The following CDH4 variants were observed in gnomAD, a reference collection of about 807,000 sequenced individuals.
The protein encoded by CDH4 is cadherin-4.
A neutral mutation model predicts 86.0 loss-of-function variants in CDH4; 33 were observed. That is an observed-to-expected ratio of 0.38 (90% confidence interval 0.29 to 0.51). The LOEUF (loss-of-function observed/expected upper bound fraction) is 0.51. Ranked by LOEUF, CDH4 falls within the 20% of genes least tolerant of loss-of-function variation. The probability of loss-of-function intolerance (pLI) is 0.86; values close to 1 mark genes in which losing one functional copy is unlikely to be tolerated. For missense variants in CDH4, 1,114 were observed against 1,307.4 expected, an observed-to-expected ratio of 0.85 and a Z score of 2.28; for synonymous variants, 555 against 549.4, an observed-to-expected ratio of 1.01 and a Z score of -0.14.
chr20:61,896,832 G>A (rs1231672293), intron 8 of CDH4, among the ~76,000 whole-genome samples: 3 of 152,208 alleles, frequency 2.0e-5, no homozygotes, highest in Non-Finnish European at 2.9e-5. Flanking sequence ...GCCCAAGAGC[G>A]CAGCAGGGCT....
chr20:61,297,183 C>T (rs898964231), intron 2 of CDH4, among the ~76,000 whole-genome samples: 1 of 152,076 alleles, frequency 6.6e-6, no homozygotes, highest in Non-Finnish European at 1.5e-5. Flanking sequence ...GTCAGGAGTT[C>T]GAGACCAGCC....
chr20:61,353,614 T>C (rs62201899), intron 2 of CDH4, among the ~76,000 whole-genome samples: 272 of 576 alleles, frequency 0.47, 94 homozygotes, highest in Non-Finnish European at 0.52. Flanking sequence ...CTTCCTCCTC[T>C]TCCTCCTCCT....
At chr20:61,363,401 A>C (rs1367939259) in intron 2 of CDH4, among the ~76,000 whole-genome samples, 1 of 152,104 alleles carries the variant, frequency 6.6e-6, no homozygotes, top group Non-Finnish European at 1.5e-5. Context: ...GGCATAAAAG[A>C]ATCTAAATAT....
chr20:61,747,238 G>A (rs954515883), intron 3 of CDH4, among the ~76,000 whole-genome samples: 4 of 152,098 alleles, frequency 2.6e-5, no homozygotes, highest in African/African-American at 7.2e-5. Context: ...TTAGGAGATC[G>A]AGACCATCTG....
chr20:61,757,033 G>A lies in CDH4; in HGVS notation c.396+13244G>A, dbSNP rs117041866. Reference sequence around the variant, plus strand: ...CAGCAACAGTGCCGTTGGCAAACTTGTAGACAACGTGTCCACCTCCTGGCT... The same window carrying A: ...CAGCAACAGTGCCGTTGGCAAACTTATAGACAACGTGTCCACCTCCTGGCT... On this transcript the variant is annotated intron_variant, in intron 3 of 15. Coordinates refer to ENST00000614565, the MANE Select transcript of CDH4 (RefSeq NM_001794.5). 8.5e-5 allele frequency among the ~76,000 whole-genome samples: 13 copies of A among 152,328 alleles called. No individual in the cohort carries two copies. In the East Asian group the frequency reaches 2.5e-3, roughly 29 times the overall value.
At chr20:61,791,754 T>C (rs563770248) in intron 4 of CDH4, among the ~76,000 whole-genome samples, 30 of 152,230 alleles carry the variant, frequency 2.0e-4, no homozygotes, top group African/African-American at 7.0e-4. Flanking sequence ...AGCCAGATGC[T>C]GAACTGGGCC....
chr20:61,936,996 G>C lies in CDH4; in HGVS notation c.*53G>C, dbSNP rs1368801036. 2.7e-6 allele frequency: 4 copies of C among 1,466,136 alleles called. No homozygotes were observed. The highest frequency in any genetic ancestry group is 3.7e-6 in the Non-Finnish European group (4 of 1,088,248). 90.8% of individuals were successfully genotyped at this position (1,466,136 alleles called of 1,614,324 possible). A position where few individuals can be genotyped will look rare whatever the true frequency, so the allele number is the denominator to read the frequency against. On this transcript the variant is annotated 3_prime_UTR_variant, in exon 16 of 16. Transcript: ENST00000614565. ...AGAGCCGTGCTCGGACGCCGGAGGA[G>C]CAGGACTGAGCAGAGGCGGCCGGTC... is the stretch of plus-strand genomic sequence containing the variant.
In CDH4 at chr20:61,325,318, G is replaced by A. The variant is rs539411564; in HGVS notation, c.169+70381G>A. 2.6e-5 allele frequency among the ~76,000 whole-genome samples: 4 copies of A among 152,106 alleles called. No individual in the cohort carries two copies. In the South Asian group the frequency reaches 6.2e-4, roughly 24 times the overall value. On this transcript the variant is annotated intron_variant, in intron 2 of 15. Coordinates refer to ENST00000614565, the MANE Select transcript of CDH4 (RefSeq NM_001794.5). The stretch of plus-strand genomic sequence containing the variant: ...CTGGCATCCCTGAATTTTGTTTCAC[G>A]TGGCCGTAAGGCAAATCCAAAGGTA...
At chr20:61,765,816 C>G (rs1406090889) in intron 3 of CDH4, among the ~76,000 whole-genome samples, 1 of 152,074 alleles carries the variant, frequency 6.6e-6, no homozygotes, top group Non-Finnish European at 1.5e-5. Context: ...GGCTCCCACC[C>G]TCCCATCTCA....
At chr20:61,683,248 TATG>T (rs1392922705) in intron 2 of CDH4, among the ~76,000 whole-genome samples, 4 of 152,190 alleles carry the variant, frequency 2.6e-5, no homozygotes, top group Non-Finnish European at 5.9e-5. Flanking sequence ...TTGAGATCCA[TATG>T]TTTCTTATAA....
intron 2 of CDH4, among the ~76,000 whole-genome samples, chr20:61,651,564 C>T (rs990695659): frequency 3.3e-5 from 5 of 152,194 alleles, no homozygotes; most frequent in African/African-American, 1.2e-4. Context: ...TGGACTCACA[C>T]CTGCACCGGG....
chr20:61,675,884 G>T (rs1278404228), intron 2 of CDH4, among the ~76,000 whole-genome samples: 1 of 152,236 alleles, frequency 6.6e-6, no homozygotes, highest in South Asian at 2.1e-4. Context: ...TGAGGCCAGG[G>T]TGCCCCTCAC....
chr20:61,920,639 T>C (rs79848217), intron 9 of CDH4, among the ~76,000 whole-genome samples: 5 of 136,966 alleles, frequency 3.7e-5, no homozygotes, highest in Non-Finnish European at 8.5e-5. Context: ...GTCACAGTGA[T>C]TGCATGGAAG....
At chr20:61,772,019 G>C (rs2088781271) in intron 3 of CDH4, among the ~76,000 whole-genome samples, 1 of 152,216 alleles carries the variant, frequency 6.6e-6, no homozygotes, top group Admixed American at 6.5e-5. Context: ...CGGGGACCCA[G>C]CAGCAGGAGC....
At chr20:61,753,368 A>T (rs2145957346) in intron 3 of CDH4, among the ~76,000 whole-genome samples, 1 of 152,330 alleles carries the variant, frequency 6.6e-6, no homozygotes, top group East Asian at 1.9e-4. Context: ...GATGAACCAT[A>T]AAAATTTGGC....
chr20:61,712,414 A>G (rs1444505893), intron 2 of CDH4, among the ~76,000 whole-genome samples: 1 of 152,154 alleles, frequency 6.6e-6, no homozygotes, highest in Non-Finnish European at 1.5e-5. Flanking sequence ...CAGGGCCAAC[A>G]GTGTTGATCC....
At chr20:61,775,558 A>C (rs553015437) in intron 4 of CDH4, among the ~76,000 whole-genome samples, 1 of 152,324 alleles carries the variant, frequency 6.6e-6, no homozygotes, top group East Asian at 1.9e-4. Flanking sequence ...TGTTCCACTA[A>C]AACTTTATTT....
At chr20:61,468,349 G>A (rs183749714) in intron 2 of CDH4, among the ~76,000 whole-genome samples, 3 of 122,750 alleles carry the variant, frequency 2.4e-5, no homozygotes, top group African/African-American at 7.1e-5. Flanking sequence ...ACCTCTCTTT[G>A]GGTAAGGTTA....
chr20:61,592,848 G>A (rs2086527969), intron 2 of CDH4, among the ~76,000 whole-genome samples: 1 of 152,166 alleles, frequency 6.6e-6, no homozygotes, highest in Admixed American at 6.5e-5. Flanking sequence ...GAAAAATAAT[G>A]ACCCCCCAGA....
Sources: allele counts gnomAD v4.1 joint callset (sites outside exome capture counted in the v4.1 genomes callset), GRCh38; gene constraint gnomAD v4.1.1; transcripts MANE v1.5; gene names NCBI Gene and HGNC (gene_info 2026-07-23, HGNC 2026-07-21).